PZP: variants seen among roughly 807,000 people sequenced by gnomAD.
The protein encoded by PZP is pregnancy zone protein.
In PZP, 150 loss-of-function variants were observed where a neutral mutation model predicts 179.8. That is an observed-to-expected ratio of 0.83 (90% CI 0.73 to 0.96). PZP has a LOEUF of 0.96. Ranked by LOEUF, PZP falls within the 40% of genes least tolerant of loss-of-function variation. The pLI, the probability that PZP is intolerant of heterozygous loss-of-function variation, is 0.00. For missense variants in PZP, 1,689 were observed against 1,764.0 expected (o/e 0.96, Z 0.76); for synonymous variants, 624 against 652.3 (o/e 0.96, Z 0.66).
At chr12:9,141,573 G>GAATT in the PZP span, among the ~76,000 whole-genome samples, 48 of 152,134 alleles carry the variant, frequency 3.2e-4, no homozygotes, top group African/African-American at 1.1e-3. Flanking sequence ...TTTACACACA[G>GAATT]AATTTCCTTT....
At chr12:9,154,461 A>C (rs537480284) in intron 29 of PZP, among the ~76,000 whole-genome samples, 155 bp downstream of exon 29, 12 of 152,182 alleles carry the variant, frequency 7.9e-5, no homozygotes, top group Admixed American at 4.6e-4. Context: ...GGGATGTCTT[A>C]AGTCTTTCCT....
chr12:9,180,692 A>G (rs1180003645), intron 15 of PZP, among the ~76,000 whole-genome samples: 1 of 152,264 alleles, frequency 6.6e-6, no homozygotes, highest in African/African-American at 2.4e-5. Flanking sequence ...AAAACCATAA[A>G]AACCCTAGAA....
At chr12:9,206,473 G>A (rs908400857) in intron 1 of PZP, among the ~76,000 whole-genome samples, 1 of 152,146 alleles carries the variant, frequency 6.6e-6, no homozygotes, top group Non-Finnish European at 1.5e-5. Flanking sequence ...TTTAATATAT[G>A]TTTACTCAAT....
chr12:9,150,700 A>T lies in PZP; in HGVS notation c.4328T>A (p.Ile1443Asn), dbSNP rs10842971. Residue 1443 changes from isoleucine (I) to asparagine (N), a missense_variant, in exon 34 of 36, where the codon ATC (isoleucine) becomes AAC (asparagine). Around this residue, in one of 3 missense-constraint regions of PZP, gnomAD observed 746 missense variants for 749.2 expected, o/e 1.00. Coordinates refer to ENST00000261336, the MANE Select transcript of PZP (RefSeq NM_002864.3). ...TGCTGGCTTCAAGTCTCCTACTGGG[A>T]TGTCTTGCAGAACCATGAAGGAAAA... ...LSFSFMVLQD[I>N]PVGDLKPAIV... 467,929 of 1,609,768 alleles carry T rather than the reference A, an allele frequency of 0.29. 72,065 individuals are homozygous for T. Among genetic ancestry groups the T allele is most frequent in the Admixed American group, 0.34 (20,396 of 59,608 alleles).
intron 17 of PZP, among the ~76,000 whole-genome samples, chr12:9,168,191 A>C (rs1941725254): frequency 6.6e-6 from 1 of 152,244 alleles, no homozygotes; most frequent in South Asian, 2.1e-4. Context: ...CCTTCAATTT[A>C]TTAATGAAGG....
chr12:9,185,658 G>GA (rs34858682), intron 13 of PZP, among the ~76,000 whole-genome samples: 21 of 149,822 alleles, frequency 1.4e-4, no homozygotes, highest in African/African-American at 4.2e-4. Context: ...TGAAATGAAT[G>GA]AAAAAAAAAA....
Position 9,182,134 on chromosome 12 carries a change from G to A in PZP, c.1547-17C>T, listed in dbSNP as rs1942804796. 3 of 1,610,988 alleles carry A rather than the reference G, an allele frequency of 1.9e-6. No homozygotes were observed. The Admixed American group carries it at 5.0e-5, about 27-fold the overall frequency. On this transcript the variant is annotated splice_polypyrimidine_tract_variant and intron_variant, in intron 13 of 35. Transcript: ENST00000261336. ...TGCCTTTCACTGGAACATGGAGAGA[G>A]TGAGACAAAATGGTCATAAGTGAGA...
At chr12:9,192,148 G>A (rs1415444117) in intron 13 of PZP, 45 bp downstream of exon 13, 1 of 1,501,156 alleles carries the variant, frequency 6.7e-7, no homozygotes, top group Non-Finnish European at 9.3e-7. Flanking sequence ...GGAAGGGTAA[G>A]GATGTGTTAG....
intron 17 of PZP, 47 bp from the exon 18 acceptor site, chr12:9,166,249 T>A: frequency 6.3e-7 from 1 of 1,593,070 alleles, no homozygotes; most frequent in Non-Finnish European, 8.6e-7. Flanking sequence ...ATTCATTAAT[T>A]TCATGGTGCA....
chr12:9,176,610 C>T (rs1257549897), intron 15 of PZP, among the ~76,000 whole-genome samples: 1 of 152,208 alleles, frequency 6.6e-6, no homozygotes, highest in African/African-American at 2.4e-5. Context: ...GATGATTCAA[C>T]AGATTCAAGA....
intron 1 of PZP, among the ~76,000 whole-genome samples, chr12:9,207,022 G>C (rs910684039): frequency 6.6e-6 from 1 of 152,142 alleles, no homozygotes; most frequent in Non-Finnish European, 1.5e-5. Context: ...GATAGTGGGG[G>C]AGAAATGTAC....
chr12:9,165,050 C>CCT lies in PZP; in HGVS notation c.2487+87_2487+88dup, dbSNP rs1157512034. On this transcript the variant is annotated intron_variant, in intron 19 of 35. Coordinates refer to ENST00000261336, the MANE Select transcript of PZP (RefSeq NM_002864.3). ...GCTAACACACAATCCCTTGAATTAT[C>CCT]CTTAGTCTCAGGAACAGAATCAGTA... The CCT allele has an allele frequency of 1.4e-5, 21 of 1,454,984 alleles. No homozygotes were observed. The East Asian group carries it at 4.3e-4, about 30-fold the overall frequency. The allele number at this position is 1,454,984 out of a possible 1,614,324, so 90.1% of individuals were successfully genotyped here.
chr12:9,149,066 G>C (rs1592432034), intron 35 of PZP, 72 bp from the exon 36 acceptor site: 1 of 1,386,834 alleles, frequency 7.2e-7, no homozygotes, highest in South Asian at 1.2e-5. Context: ...GTGGGCAGCA[G>C]AGTGAGCTTA....
At chr12:9,183,784 C>T (rs909679226) in intron 13 of PZP, among the ~76,000 whole-genome samples, 8 of 152,116 alleles carry the variant, frequency 5.3e-5, no homozygotes, top group Non-Finnish European at 1.2e-4. Flanking sequence ...GGAATTTTTC[C>T]AACTTCATGC....
intron 17 of PZP, 37 bp from the exon 18 acceptor site, chr12:9,166,239 ATT>A (rs891981771): frequency 6.3e-7 from 1 of 1,599,406 alleles, no homozygotes; most frequent in Non-Finnish European, 8.5e-7. Flanking sequence ...AGGGAAAAAC[ATT>A]CATTAATTTC....
intron 15 of PZP, among the ~76,000 whole-genome samples, chr12:9,171,386 G>T (rs1159006107): frequency 6.6e-6 from 1 of 152,190 alleles, no homozygotes; most frequent in African/African-American, 2.4e-5. Context: ...AGGTAGATAA[G>T]TTCACAAAGA....
intron 7 of PZP, among the ~76,000 whole-genome samples, chr12:9,198,761 A>T (rs1053085535): frequency 6.6e-6 from 1 of 152,214 alleles, no homozygotes; most frequent in East Asian, 1.9e-4. Context: ...TCAAATAAAA[A>T]GATAGAATCA....
At chr12:9,152,993 G>A (rs370382283) in intron 30 of PZP, 42 bp from the exon 31 acceptor site, 2 of 1,612,938 alleles carry the variant, frequency 1.2e-6, no homozygotes, top group Non-Finnish European at 1.7e-6. Flanking sequence ...CTCTTTTTCT[G>A]GACCCCTCAC....
In PZP at chr12:9,196,753, C is replaced by T. The variant is rs1485739457; in HGVS notation, c.868-68G>A. The T allele has an allele frequency of 3.6e-6, 5 of 1,376,360 alleles. No homozygotes were observed. In the African/African-American group the frequency reaches 7.3e-5, roughly 20 times the overall value. 85.3% of individuals were successfully genotyped at this position (1,376,360 alleles called of 1,614,324 possible). A position where few individuals can be genotyped will look rare whatever the true frequency, so the allele number is the denominator to read the frequency against. On this transcript the variant is annotated intron_variant, in intron 8 of 35. Transcript: ENST00000261336. ...ATCAATAGTCACTGAATCTACTATT[C>T]TGTCTCTAATGACAAGAAAACTTTT...
Sources: allele counts gnomAD v4.1 joint callset (sites outside exome capture counted in the v4.1 genomes callset), GRCh38; gene constraint gnomAD v4.1.1; regional missense constraint gnomAD v4.1.1; transcripts MANE v1.5; gene names NCBI Gene and HGNC (gene_info 2026-07-23, HGNC 2026-07-21).